Variants in DDX19A observed in about 807,000 individuals in gnomAD.
DDX19A encodes the protein DEAD-box helicase 19A, also known as ATP-dependent RNA helicase DDX19A.
Under a neutral mutation model 60.6 loss-of-function variants are expected in DDX19A, and 12 were observed. That is an observed-to-expected ratio of 0.20 (90% confidence interval 0.13 to 0.32). The LOEUF (loss-of-function observed/expected upper bound fraction) is 0.32, where lower values mean the gene tolerates loss of function less well. Ranked by LOEUF, DDX19A falls within the 10% of genes least tolerant of loss-of-function variation. The pLI is 1.00. For missense variants in DDX19A, 337 were observed against 600.6 expected (o/e 0.56, Z 4.59); for synonymous variants, 206 against 218.2 (o/e 0.94, Z 0.49).
chr16:70,350,787 AAAATTAAG>A (rs1242039136), intron 2 of DDX19A, among the ~76,000 whole-genome samples, 182 bp downstream of exon 2: 1 of 79,142 alleles, frequency 1.3e-5, no homozygotes, highest in Non-Finnish European at 3.9e-5. Context: ...TTGACTTCTT[AAAATTAAG>A]AGTCTCTCTA....
At chr16:70,362,171 C>CAA (rs1307887865) in intron 5 of DDX19A, among the ~76,000 whole-genome samples, 9 of 107,282 alleles carry the variant, frequency 8.4e-5, no homozygotes, top group Admixed American at 9.6e-5. Flanking sequence ...GACCCTGTCT[C>CAA]AAAAAAAAAA....
At chr16:70,354,730 G>C (rs1334571330) in intron 2 of DDX19A, among the ~76,000 whole-genome samples, 1 of 151,920 alleles carries the variant, frequency 6.6e-6, no homozygotes, top group African/African-American at 2.4e-5. Flanking sequence ...ATTACTTGAG[G>C]CCAGGAATTT....
chr16:70,368,393 C>T (rs1358328755), intron 9 of DDX19A, among the ~76,000 whole-genome samples: 1 of 151,882 alleles, frequency 6.6e-6, no homozygotes, highest in African/African-American at 2.4e-5. Flanking sequence ...CTGCCCCAGC[C>T]TCCAGAGTAG....
intron 8 of DDX19A, 106 bp from the exon 9 acceptor site, chr16:70,366,518 C>T (rs1414639600): frequency 5.4e-6 from 8 of 1,471,184 alleles, no homozygotes; most frequent in Middle Eastern, 1.8e-4. Context: ...AGATGCTCCT[C>T]CCCCATCAGC....
rs1473182786 is a variant in DDX19A at position 70,346,949 on chromosome 16, T to TGCAGC, written c.-39_-35dup. 3.1e-6 allele frequency: 5 copies of TGCAGC among 1,591,262 alleles called. No homozygotes were observed. Among genetic ancestry groups the TGCAGC allele is most frequent in the Non-Finnish European group, 8.6e-7 (1 of 1,167,382 alleles). ...GGTTAGGGCCCGCGTTGCGACGTGG[T>TGCAGC]GCAGCGCATATTTTCACAAGTGGGT... On this transcript the variant is annotated 5_prime_UTR_variant, in exon 1 of 12. Transcript: ENST00000302243.
intron 8 of DDX19A, 26 bp from the exon 9 acceptor site, chr16:70,366,597 GC>G: frequency 6.2e-7 from 1 of 1,613,684 alleles, no homozygotes; most frequent in South Asian, 1.1e-5. Flanking sequence ...GCCACCTGGG[GC>G]CATCTACCCG....
At chr16:70,362,000 G>T (rs1004885850) in intron 5 of DDX19A, among the ~76,000 whole-genome samples, 1 of 151,100 alleles carries the variant, frequency 6.6e-6, no homozygotes, top group Non-Finnish European at 1.5e-5. Flanking sequence ...GTGAAACCCC[G>T]TCTTACTAAA....
intron 4 of DDX19A, among the ~76,000 whole-genome samples, chr16:70,357,147 A>AGGAGGC (rs1264209404): frequency 1.3e-5 from 2 of 150,546 alleles, no homozygotes; most frequent in African/African-American, 2.4e-5. Flanking sequence ...TCAGCTACTC[A>AGGAGGC]GGAGGCGGAG....
chr16:70,362,383 T>G (rs1323162898), intron 5 of DDX19A, among the ~76,000 whole-genome samples: 4 of 151,704 alleles, frequency 2.6e-5, no homozygotes, highest in Non-Finnish European at 5.9e-5. Flanking sequence ...AAAATATTAT[T>G]TTGATGTGAA....
intron 1 of DDX19A, among the ~76,000 whole-genome samples, chr16:70,348,493 G>A (rs1424396142): frequency 6.6e-6 from 1 of 152,006 alleles, no homozygotes; most frequent in African/African-American, 2.4e-5. Flanking sequence ...AGGCGTGGTA[G>A]TCGTCCCCTG....
intron 1 of DDX19A, among the ~76,000 whole-genome samples, chr16:70,348,626 C>CA (rs1244983371): frequency 0.065 from 2,207 of 33,988 alleles, 63 homozygotes; most frequent in Non-Finnish European, 0.087. Flanking sequence ...GACTCTGTCT[C>CA]AAAAAAAAAA....
chr16:70,353,424 A>T (rs963079078), intron 2 of DDX19A, among the ~76,000 whole-genome samples: 1 of 151,776 alleles, frequency 6.6e-6, no homozygotes, highest in African/African-American at 2.4e-5. Context: ...TTTTTTTAAA[A>T]TTTTTTTTAA....
Position 70,350,917 on chromosome 16 carries a change from G to A in DDX19A, c.106+312G>A, listed in dbSNP as rs193116855. 5.3e-4 allele frequency among the ~76,000 whole-genome samples: 80 copies of A among 150,956 alleles called. 1 individual carries two copies. In the East Asian group the frequency reaches 0.014, roughly 26 times the overall value. Reference sequence around the variant, plus strand: ...TTTTGAGACGGAGTCTCGCTCTGTCGCCCAGGCTGGAGTGCAGTGGCACAA... The same window carrying A: ...TTTTGAGACGGAGTCTCGCTCTGTCACCCAGGCTGGAGTGCAGTGGCACAA... On this transcript the variant is annotated intron_variant, in intron 2 of 11. Coordinates refer to ENST00000302243, the MANE Select transcript of DDX19A (RefSeq NM_018332.5).
Position 70,366,915 on chromosome 16 carries a change from A to G in DDX19A, c.1020+54A>G, listed in dbSNP as rs996576340. The G allele has an allele frequency of 6.5e-5, 104 of 1,605,266 alleles. No homozygotes were observed. The African/African-American group carries it at 1.3e-3, about 20-fold the overall frequency. ...GCCCCTCCCTCTCAGCCAGCTCCCC[A>G]CAGGGCTCAGGAGGACTGGATGCCC... On this transcript the variant is annotated intron_variant, in intron 9 of 11. Coordinates refer to ENST00000302243, the MANE Select transcript of DDX19A (RefSeq NM_018332.5).
At chr16:70,371,872 T>A in intron 11 of DDX19A, 53 bp from the exon 12 acceptor site, 2 of 1,613,774 alleles carry the variant, frequency 1.2e-6, no homozygotes, top group South Asian at 2.2e-5. Context: ...TGCTGTGGCC[T>A]GAGGTGGGGC....
In DDX19A at chr16:70,347,005, C is replaced by T. The variant is rs1224306276; in HGVS notation, c.14C>T (p.Ser5Leu). MATD[S>L]WALAVDEQEA... ...TTGTCCGGGACTATGGCCACCGACT[C>T]GTGGGCCCTGGCGGTGGACGAGCAG... is the stretch of plus-strand genomic sequence containing the variant. The change falls in exon 1 of 12, where the codon TCG (serine) becomes TTG (leucine). Residue 5 changes from serine (S) to leucine (L), a missense_variant. This residue lies in a region of DDX19A where 127 missense variants were observed against 160.3 expected (regional missense o/e 0.79). Transcript: ENST00000302243. 16 of 1,612,742 alleles carry T rather than the reference C, an allele frequency of 9.9e-6. No individual in the cohort carries two copies. The highest frequency in any genetic ancestry group is 2.2e-5 in the East Asian group (1 of 44,882).
At chr16:70,357,263 A>G (rs1211651677) in intron 4 of DDX19A, among the ~76,000 whole-genome samples, 1 of 114,778 alleles carries the variant, frequency 8.7e-6, no homozygotes, top group Non-Finnish European at 1.7e-5. Context: ...TCTCTCAAAA[A>G]AAAAAAAATA....
At chr16:70,364,260 G>C (rs1351738968) in intron 5 of DDX19A, 1 of 346,680 alleles carries the variant, frequency 2.9e-6, no homozygotes, top group Non-Finnish European at 5.4e-6. Context: ...TGATTTCCCT[G>C]TGCCCCTTGG....
At position 70,370,234 on chromosome 16, in the gene DDX19A, A is replaced by G; in HGVS notation, c.1032A>G (p.Thr344=). ...QAMIFCHTRK[T]ASWLAAELSK... is the part of the protein sequence containing the mutation. ...TTTTTTTCTTCCAGACTCGCAAAAC[A>G]GCTAGTTGGCTGGCAGCAGAGCTCT... Residue 344 remains threonine, a synonymous_variant, in exon 10 of 12, where the codon ACA becomes ACG. Coordinates refer to ENST00000302243, the MANE Select transcript of DDX19A (RefSeq NM_018332.5). 6.2e-7 allele frequency: 1 copy of G among 1,608,444 alleles called. No individual in the cohort carries two copies. Among genetic ancestry groups the G allele is most frequent in the Non-Finnish European group, 8.5e-7 (1 of 1,178,680 alleles).
Sources: gnomAD v4.1 joint callset for allele counts (sites outside exome capture counted in the v4.1 genomes callset) on GRCh38, gnomAD v4.1.1 for gene constraint, gnomAD v4.1.1 regional missense constraint, MANE v1.5 for transcripts, NCBI Gene and HGNC (gene_info 2026-07-23, HGNC 2026-07-21) for gene names.